PRKG1: variants seen among roughly 807,000 people sequenced by gnomAD.
PRKG1 encodes the protein cGMP-dependent protein kinase 1.
PRKG1 carries 35 observed loss-of-function variants against 88.1 expected under a neutral mutation model. The observed-to-expected ratio is 0.40, with a 90% CI of 0.30 to 0.53. PRKG1 has a LOEUF of 0.53. Ranked by LOEUF, PRKG1 falls within the 20% of genes least tolerant of loss-of-function variation. The probability of loss-of-function intolerance (pLI) is 0.59; values close to 1 mark genes in which losing one functional copy is unlikely to be tolerated. For synonymous variants in PRKG1, 303 were observed against 292.5 expected (o/e 1.04, Z -0.37); for missense variants, 540 against 839.8 (o/e 0.64, Z 4.41).
At chr10:51,516,399 G>A (rs1390621543) in intron 3 of PRKG1, among the ~76,000 whole-genome samples, 3 of 151,972 alleles carry the variant, frequency 2.0e-5, no homozygotes, top group African/African-American at 7.3e-5. Context: ...GTGGGCCATA[G>A]ACTGTTTTGG....
At chr10:51,453,161 G>A (rs145070349) in intron 2 of PRKG1, among the ~76,000 whole-genome samples, 69 of 151,970 alleles carry the variant, frequency 4.5e-4, no homozygotes, top group African/African-American at 1.5e-3. Context: ...TTCTAACTGA[G>A]CTTATTTGGA....
chr10:51,613,261 T>G (rs914853652), intron 3 of PRKG1, among the ~76,000 whole-genome samples: 1 of 152,068 alleles, frequency 6.6e-6, no homozygotes, highest in African/African-American at 2.4e-5. Flanking sequence ...GTTGTATGTT[T>G]TTAGGAATTT....
At chr10:52,181,023 C>T (rs978882070) in intron 9 of PRKG1, among the ~76,000 whole-genome samples, 8 of 152,134 alleles carry the variant, frequency 5.3e-5, no homozygotes, top group African/African-American at 1.9e-4. Flanking sequence ...GTTTGGCCAG[C>T]CTGGGTGTGT....
intron 7 of PRKG1, among the ~76,000 whole-genome samples, chr10:52,065,985 C>T (rs1432211375): frequency 6.6e-6 from 1 of 152,022 alleles, no homozygotes; most frequent in African/African-American, 2.4e-5. Flanking sequence ...GAAAATAAGG[C>T]CCCACTCTTT....
chr10:51,932,613 C>G (rs1842717809), intron 5 of PRKG1, among the ~76,000 whole-genome samples: 1 of 152,120 alleles, frequency 6.6e-6, no homozygotes, highest in Admixed American at 6.6e-5. Context: ...TACTAGGGAC[C>G]AAGCGTGGGG....
At chr10:51,763,008 A>C (rs1433416108) in intron 3 of PRKG1, among the ~76,000 whole-genome samples, 1 of 152,178 alleles carries the variant, frequency 6.6e-6, no homozygotes, top group Non-Finnish European at 1.5e-5. Context: ...ACTTTAGTTA[A>C]ATTACTTGTA....
intron 4 of PRKG1, among the ~76,000 whole-genome samples, chr10:51,854,899 TAAAC>T (rs1355772946): frequency 3.9e-5 from 6 of 152,162 alleles, no homozygotes; most frequent in African/African-American, 1.4e-4. Flanking sequence ...CACCAGCAGC[TAAAC>T]AGAGTGCATA....
At chr10:52,103,418 A>C (rs772513148) in intron 7 of PRKG1, among the ~76,000 whole-genome samples, 2 of 152,054 alleles carry the variant, frequency 1.3e-5, no homozygotes, top group African/African-American at 4.8e-5. Context: ...CCTCCCCCTC[A>C]GCCTAATCAA....
At chr10:52,112,786 A>G (rs1847594604) in intron 7 of PRKG1, among the ~76,000 whole-genome samples, 1 of 152,160 alleles carries the variant, frequency 6.6e-6, no homozygotes, top group South Asian at 2.1e-4. Context: ...CTTCTGGCAA[A>G]GAATAGGATT....
intron 3 of PRKG1, among the ~76,000 whole-genome samples, chr10:51,673,410 A>G (rs188369545): frequency 2.4e-4 from 37 of 152,310 alleles, no homozygotes; most frequent in African/African-American, 8.9e-4. Flanking sequence ...CACAAGTAGA[A>G]ATCACTGAGA....
At chr10:51,360,646 C>T (rs1314684097) in intron 2 of PRKG1, among the ~76,000 whole-genome samples, 1 of 151,836 alleles carries the variant, frequency 6.6e-6, no homozygotes, top group Non-Finnish European at 1.5e-5. Flanking sequence ...CTGCAGAGTA[C>T]ATAATTATTA....
At chr10:51,621,271 G>T (rs1258945848) in intron 3 of PRKG1, among the ~76,000 whole-genome samples, 4 of 151,836 alleles carry the variant, frequency 2.6e-5, no homozygotes, top group Non-Finnish European at 5.9e-5. Flanking sequence ...TCAGATGAAA[G>T]AGTTTTGAAA....
At position 51,587,377 on chromosome 10, in the gene PRKG1, A is replaced by T. The variant is rs148914878; in HGVS notation, c.592+119541A>T. 4.6e-3 allele frequency among the ~76,000 whole-genome samples: 700 copies of T among 152,280 alleles called. 7 individuals are homozygous for T. The highest frequency in any genetic ancestry group is 0.016 in the African/African-American group (659 of 41,574). On this transcript the variant is annotated intron_variant, in intron 3 of 17. Coordinates refer to ENST00000373980, the MANE Select transcript of PRKG1 (RefSeq NM_006258.4). ...CATAGTTGTAAATTACGCATGTCAAACACCAAACAAATCCTCATTCCGTGT... is the reference window on the plus strand; with the variant it reads ...CATAGTTGTAAATTACGCATGTCAATCACCAAACAAATCCTCATTCCGTGT...
intron 5 of PRKG1, among the ~76,000 whole-genome samples, chr10:51,950,655 T>C (rs1156455230): frequency 6.6e-6 from 1 of 152,172 alleles, no homozygotes; most frequent in African/African-American, 2.4e-5. Context: ...CCAGAGGGGG[T>C]ATTAGTATGC....
At chr10:51,464,548 A>G (rs1221171363) in intron 2 of PRKG1, among the ~76,000 whole-genome samples, 1 of 152,162 alleles carries the variant, frequency 6.6e-6, no homozygotes, top group Non-Finnish European at 1.5e-5. Flanking sequence ...TATAATTTAT[A>G]CCTACCTTAT....
chr10:51,445,441 C>T (rs576780462), intron 2 of PRKG1, among the ~76,000 whole-genome samples: 1 of 151,862 alleles, frequency 6.6e-6, no homozygotes, highest in African/African-American at 2.4e-5. Flanking sequence ...ATCAAAACTA[C>T]AATTATTACA....
chr10:52,170,288 C>T (rs1331548417), intron 9 of PRKG1, among the ~76,000 whole-genome samples: 2 of 152,190 alleles, frequency 1.3e-5, no homozygotes, highest in Non-Finnish European at 2.9e-5. Flanking sequence ...CTGTTCTGCT[C>T]TCCTCATCAT....
chr10:52,098,998 C>T (rs1464478598), intron 7 of PRKG1, among the ~76,000 whole-genome samples: 3 of 152,120 alleles, frequency 2.0e-5, no homozygotes, highest in African/African-American at 7.2e-5. Flanking sequence ...AGAAATTTAA[C>T]AACAAAAATT....
chr10:51,804,621 A>G lies in PRKG1; in HGVS notation c.629A>G (p.Gln210Arg). ...GTAAAACTCTGGGCCATTGATCGAC[A>G]ATGTTTTCAAACAATAATGATGAGG... ...VNVKLWAIDR[Q>R]CFQTIMMRTG... The change falls in exon 4 of 18, where the codon CAA becomes CGA. Residue 210 changes from glutamine (Q) to arginine (R), a missense_variant. Gln to Arg is a conservative substitution (Grantham distance 43). This residue lies in a region of PRKG1 where 400 missense variants were observed against 562.7 expected (regional missense o/e 0.71). Coordinates refer to ENST00000373980, the MANE Select transcript of PRKG1 (RefSeq NM_006258.4). 1 of 1,604,394 alleles carries G rather than the reference A, an allele frequency of 6.2e-7. No individual in the cohort carries two copies. Among genetic ancestry groups the G allele is most frequent in the Non-Finnish European group, 8.5e-7 (1 of 1,171,672 alleles).
Sources: gnomAD v4.1 joint callset for allele counts (sites outside exome capture counted in the v4.1 genomes callset) on GRCh38, gnomAD v4.1.1 for gene constraint, gnomAD v4.1.1 regional missense constraint, MANE v1.5 for transcripts, NCBI Gene and HGNC (gene_info 2026-07-23, HGNC 2026-07-21) for gene names.